Variants in GAK observed in about 807,000 individuals in gnomAD.
GAK encodes cyclin G associated kinase.
Under a neutral mutation model 143.9 loss-of-function variants are expected in GAK, and 79 were observed. The ratio of observed to expected loss-of-function variants is 0.55; its 90% CI spans 0.46 to 0.66. The LOEUF is 0.66. Among genes scored for constraint, GAK ranks in the 30% least tolerant of loss-of-function variants. GAK has a pLI of 0.00. For synonymous variants in GAK, 881 were observed against 765.5 expected (o/e 1.15, Z -2.49); for missense variants, 1,693 against 1,779.7 (o/e 0.95, Z 0.88).
chr4:928,824 C>T (rs989437442), intron 1 of GAK, among the ~76,000 whole-genome samples: 10 of 151,986 alleles, frequency 6.6e-5, no homozygotes, highest in Non-Finnish European at 1.0e-4. Context: ...AGTGCAATGG[C>T]GTGATCTTGG....
intron 5 of GAK, among the ~76,000 whole-genome samples, 176 bp downstream of exon 5, chr4:904,461 A>G (rs4533712): frequency 0.035 from 4,760 of 137,726 alleles, 141 homozygotes; most frequent in East Asian, 0.16. Context: ...CAGAGGCCTC[A>G]GCAGCCGCTA....
At chr4:914,774 CCA>C (rs1193282541) in intron 1 of GAK, among the ~76,000 whole-genome samples, 20 of 137,142 alleles carry the variant, frequency 1.5e-4, no homozygotes, top group Admixed American at 2.9e-4. Flanking sequence ...TACACGGCCC[CCA>C]ACACACACAG....
intron 1 of GAK, among the ~76,000 whole-genome samples, chr4:919,938 C>T (rs1247335772): frequency 6.6e-6 from 1 of 152,172 alleles, no homozygotes; most frequent in Non-Finnish European, 1.5e-5. Context: ...ATCACCTGAA[C>T]CCAGGAGTTT....
chr4:923,108 G>A (rs1490726396), intron 1 of GAK, among the ~76,000 whole-genome samples: 1 of 152,194 alleles, frequency 6.6e-6, no homozygotes, highest in Non-Finnish European at 1.5e-5. Flanking sequence ...GAGGTGGCAT[G>A]AGGGCTCCCT....
chr4:896,265 G>A (rs1718748751), intron 7 of GAK, among the ~76,000 whole-genome samples, 195 bp downstream of exon 7: 1 of 152,082 alleles, frequency 6.6e-6, no homozygotes, highest in Admixed American at 6.5e-5. Flanking sequence ...GGAAGACCCT[G>A]TCTCCAAAAA....
At chr4:881,670 C>G (rs1255470498) in intron 15 of GAK, among the ~76,000 whole-genome samples, 1 of 152,378 alleles carries the variant, frequency 6.6e-6, no homozygotes, top group East Asian at 1.9e-4. Context: ...GATCCATGCA[C>G]AAGCTGGGCA....
At chr4:883,181 C>T in intron 13 of GAK, 134 bp downstream of exon 13, 1 of 1,048,388 alleles carries the variant, frequency 9.5e-7, no homozygotes, top group Non-Finnish European at 1.4e-6. Flanking sequence ...CTGTCCCACG[C>T]TCTGCAGCCC....
At chr4:854,044 T>C (rs7660226) in intron 24 of GAK, among the ~76,000 whole-genome samples, 94,318 of 151,612 alleles carry the variant, frequency 0.62, 29,510 homozygotes, top group South Asian at 0.81. Flanking sequence ...GTGATCCGCC[T>C]GCCTCAGCCT....
intron 1 of GAK, among the ~76,000 whole-genome samples, chr4:922,514 C>CAAAAAAAA (rs35567795): frequency 3.2e-5 from 2 of 62,924 alleles, no homozygotes; most frequent in Non-Finnish European, 2.9e-5. Context: ...GACTCCATCT[C>CAAAAAAAA]AAAAAAAAAA....
intron 24 of GAK, chr4:859,062 T>C (rs560143500): frequency 4.9e-6 from 3 of 616,590 alleles, no homozygotes; most frequent in Non-Finnish European, 6.1e-6. Context: ...GGGGGATGCA[T>C]CTTGGGAGTG....
intron 5 of GAK, among the ~76,000 whole-genome samples, chr4:899,429 A>AGGCAGCACAGGGCTCCGAGAG (rs1425440404): frequency 1.3e-5 from 2 of 151,376 alleles, no homozygotes; most frequent in African/African-American, 2.4e-5. Flanking sequence ...GGGCTCCCAC[A>AGGCAGCACAGGGCTCCGAGAG]GGCAGCACAG....
chr4:899,011 G>A (rs991554990), intron 5 of GAK, among the ~76,000 whole-genome samples: 2 of 152,230 alleles, frequency 1.3e-5, no homozygotes, highest in African/African-American at 2.4e-5. Context: ...GAGAAGCCAC[G>A]GACGCCAGAG....
At chr4:865,077 A>C (rs1416954471) in intron 23 of GAK, 45 bp downstream of exon 23, 1 of 1,527,258 alleles carries the variant, frequency 6.5e-7, no homozygotes, top group African/African-American at 1.7e-5. Flanking sequence ...GGGCCACAGC[A>C]GCTGCACGTC....
intron 5 of GAK, among the ~76,000 whole-genome samples, chr4:901,833 G>A (rs1719927190): frequency 6.6e-6 from 1 of 152,226 alleles, no homozygotes; most frequent in Non-Finnish European, 1.5e-5. Context: ...GATTAGCGAG[G>A]TCTGAGAGAA....
intron 24 of GAK, among the ~76,000 whole-genome samples, chr4:855,286 C>G (rs1748939012): frequency 6.6e-6 from 1 of 151,664 alleles, no homozygotes; most frequent in African/African-American, 2.4e-5. Flanking sequence ...TCCCACCACA[C>G]AAGCCCTAGA....
intron 18 of GAK, among the ~76,000 whole-genome samples, chr4:874,102 C>T (rs941969746): frequency 3.3e-5 from 5 of 152,158 alleles, no homozygotes; most frequent in African/African-American, 7.2e-5. Context: ...CACATTCACT[C>T]GGTTAATCCC....
Position 913,635 on chromosome 4 carries a change from A to G in GAK, c.179T>C (p.Val60Ala). 6.2e-7 allele frequency: 1 copy of G among 1,613,688 alleles called. No individual in the cohort carries two copies. The highest frequency in any genetic ancestry group is 8.5e-7 in the Non-Finnish European group (1 of 1,179,632). The change falls in exon 2 of 28, where the codon GTG (valine) becomes GCG (alanine). Residue 60 changes from valine to alanine, a missense_variant. Around this residue, in one of 2 missense-constraint regions of GAK, gnomAD observed 871 missense variants for 991.0 expected, o/e 0.88. Transcript: ENST00000314167. Reference sequence around the variant, plus strand: ...TAATGCATACTCTCTGCCACTCCCCACATCTTGAGCTTCATACACAAATGC... The same window carrying G: ...TAATGCATACTCTCTGCCACTCCCCGCATCTTGAGCTTCATACACAAATGC... ...GFAFVYEAQD[V>A]GSGREYALKR... is the part of the protein sequence containing the mutation.
chr4:851,126 TC>T, intron 25 of GAK, 42 bp from the exon 26 acceptor site: 1 of 1,560,680 alleles, frequency 6.4e-7, no homozygotes. Flanking sequence ...AGACAGGGTC[TC>T]CACTCTGTCA....
chr4:866,666 G>C (rs546782978), intron 21 of GAK, 132 bp from the exon 22 acceptor site: 9 of 977,306 alleles, frequency 9.2e-6, no homozygotes, highest in Non-Finnish European at 1.2e-5. Context: ...GCCCTCGCAG[G>C]GGCACTGAGG....
Sources: allele counts gnomAD v4.1 joint callset (sites outside exome capture counted in the v4.1 genomes callset), GRCh38; gene constraint gnomAD v4.1.1; regional missense constraint gnomAD v4.1.1; transcripts MANE v1.5; gene names NCBI Gene and HGNC (gene_info 2026-07-23, HGNC 2026-07-21).